The following XRCC4 variants were observed in gnomAD, a reference collection of about 807,000 sequenced individuals.
XRCC4 encodes X-ray repair cross complementing 4.
Under a neutral mutation model 39.1 loss-of-function variants are expected in XRCC4, and 28 were observed. That is an observed-to-expected ratio of 0.72 (90% CI 0.53 to 0.98). XRCC4 has a LOEUF of 0.98. XRCC4 is among the 50% of genes least tolerant of loss of function. The pLI is 0.00. For synonymous variants in XRCC4, 123 were observed against 126.4 expected (o/e 0.97, Z 0.18); for missense variants, 350 against 376.4 (o/e 0.93, Z 0.58).
intron 1 of XRCC4, among the ~76,000 whole-genome samples, chr5:83,080,110 T>A (rs2112270185): frequency 1.3e-5 from 2 of 152,294 alleles, no homozygotes; most frequent in Middle Eastern, 6.8e-3. Flanking sequence ...AGAGGAGGAA[T>A]TATAATGGAG....
chr5:83,184,127 A>T (rs1750327948), intron 3 of XRCC4, among the ~76,000 whole-genome samples: 1 of 151,854 alleles, frequency 6.6e-6, no homozygotes, highest in South Asian at 2.1e-4. Context: ...TTGTTTAGAA[A>T]GACAATTAAG....
intron 1 of XRCC4, among the ~76,000 whole-genome samples, chr5:83,078,550 T>G (rs986042530): frequency 1.3e-5 from 2 of 152,224 alleles, no homozygotes; most frequent in African/African-American, 4.8e-5. Flanking sequence ...CTTTTGTATT[T>G]AGGGCAACAC....
chr5:83,341,986 G>T (rs1356906565), intron 7 of XRCC4, among the ~76,000 whole-genome samples: 1 of 152,176 alleles, frequency 6.6e-6, no homozygotes, highest in Non-Finnish European at 1.5e-5. Context: ...GCGGCAGTCA[G>T]CTCACAGATC....
intron 2 of XRCC4, among the ~76,000 whole-genome samples, chr5:83,108,667 T>G (rs1198725999): frequency 6.6e-6 from 1 of 151,870 alleles, no homozygotes; most frequent in Admixed American, 6.6e-5. Flanking sequence ...CTCTGTTTTC[T>G]TTTGTGTTTT....
At chr5:83,231,271 C>T (rs1027313932) in intron 6 of XRCC4, among the ~76,000 whole-genome samples, 7 of 151,988 alleles carry the variant, frequency 4.6e-5, no homozygotes, top group African/African-American at 1.4e-4. Flanking sequence ...CAATGTTGCT[C>T]ATTACAGTAG....
intron 1 of XRCC4, among the ~76,000 whole-genome samples, chr5:83,085,122 A>G (rs1238119072): frequency 6.6e-6 from 1 of 152,216 alleles, no homozygotes; most frequent in Non-Finnish European, 1.5e-5. Context: ...CTTGTGTGAG[A>G]GAATGCTATT....
chr5:83,343,369 AT>A (rs1561484451), intron 7 of XRCC4, among the ~76,000 whole-genome samples: 1 of 152,162 alleles, frequency 6.6e-6, no homozygotes, highest in African/African-American at 2.4e-5. Flanking sequence ...CAGTCCAAGA[AT>A]TTGAGACTTC....
intron 6 of XRCC4, among the ~76,000 whole-genome samples, chr5:83,230,935 G>T (rs907999607): frequency 6.6e-6 from 1 of 151,286 alleles, no homozygotes. Flanking sequence ...TTTTGCATAG[G>T]GTTGCTCGTG....
chr5:83,181,117 C>CT (rs1185188676), intron 3 of XRCC4, among the ~76,000 whole-genome samples: 8 of 144,046 alleles, frequency 5.6e-5, no homozygotes, highest in East Asian at 4.0e-4. Flanking sequence ...GTTCCATTTC[C>CT]TTTTTTTTTC....
intron 3 of XRCC4, among the ~76,000 whole-genome samples, chr5:83,192,651 T>C (rs1750765908): frequency 6.6e-6 from 1 of 152,176 alleles, no homozygotes; most frequent in Non-Finnish European, 1.5e-5. Context: ...TTAACTTCTT[T>C]ACATAGAGAA....
intron 6 of XRCC4, among the ~76,000 whole-genome samples, chr5:83,225,590 G>A (rs1000657646): frequency 2.2e-5 from 3 of 135,786 alleles, no homozygotes; most frequent in South Asian, 2.4e-4. Flanking sequence ...TTGGTGCATC[G>A]CCAAATTTAT....
chr5:83,078,478 GAA>G (rs1359936323), intron 1 of XRCC4, among the ~76,000 whole-genome samples: 3 of 152,218 alleles, frequency 2.0e-5, no homozygotes, highest in African/African-American at 4.8e-5. Context: ...TGGATAGAGA[GAA>G]AGAGAGAAGG....
At chr5:83,148,046 C>A (rs1416305997) in intron 3 of XRCC4, among the ~76,000 whole-genome samples, 2 of 152,086 alleles carry the variant, frequency 1.3e-5, no homozygotes, top group Admixed American at 1.3e-4. Flanking sequence ...CCTCGGCCTC[C>A]CAAAGTGCTG....
At chr5:83,183,412 TTGTGTGTGTGTGTGTG>T (rs369446374) in intron 3 of XRCC4, among the ~76,000 whole-genome samples, 52 of 139,438 alleles carry the variant, frequency 3.7e-4, no homozygotes, top group African/African-American at 1.1e-3. Flanking sequence ...TTTCATTTAT[TTGTGTGTGTGTGTGTG>T]TGTGTGTGTG....
intron 3 of XRCC4, among the ~76,000 whole-genome samples, chr5:83,117,392 C>A (rs995629447): frequency 6.6e-6 from 1 of 152,198 alleles, no homozygotes. Flanking sequence ...GTCATGCTAA[C>A]AATGCATCTT....
At chr5:83,355,797 C>T (rs545084432), downstream of XRCC4, among the ~76,000 whole-genome samples, 6 of 152,072 alleles carry the variant, frequency 3.9e-5, no homozygotes, top group Admixed American at 1.3e-4. Flanking sequence ...CCACCACACC[C>T]GGCTAATTTT....
chr5:83,275,738 T>A (rs1754308525), intron 7 of XRCC4, among the ~76,000 whole-genome samples: 3 of 152,208 alleles, frequency 2.0e-5, no homozygotes, highest in African/African-American at 7.2e-5. Context: ...GATCTTAAAG[T>A]GAGCACAGAC....
At chr5:83,081,345 C>T (rs1370124155) in intron 1 of XRCC4, among the ~76,000 whole-genome samples, 3 of 152,182 alleles carry the variant, frequency 2.0e-5, no homozygotes, top group African/African-American at 7.2e-5. Flanking sequence ...CTCTTATCCT[C>T]AGCTAGCCTC....
intron 3 of XRCC4, among the ~76,000 whole-genome samples, chr5:83,179,742 C>T (rs956171565): frequency 3.3e-5 from 5 of 152,168 alleles, no homozygotes; most frequent in African/African-American, 1.2e-4. Flanking sequence ...TCTAATCCTG[C>T]TCCACTCAGC....
Sources: gnomAD v4.1 joint callset for allele counts (sites outside exome capture counted in the v4.1 genomes callset) on GRCh38, gnomAD v4.1.1 for gene constraint, MANE v1.5 for transcripts, NCBI Gene and HGNC (gene_info 2026-07-23, HGNC 2026-07-21) for gene names.